Variants in CGGBP1 observed in about 807,000 individuals in gnomAD.
The protein encoded by CGGBP1 is CGG triplet repeat binding protein 1.
In CGGBP1, 4 loss-of-function variants were observed where a neutral mutation model predicts 11.4. The observed-to-expected ratio is 0.35, with a 90% CI of 0.17 to 0.80. CGGBP1 has a LOEUF of 0.80. Ranked by LOEUF, CGGBP1 falls within the 30% of genes least tolerant of loss-of-function variation. The probability of loss-of-function intolerance (pLI) is 0.52; values close to 1 mark genes in which losing one functional copy is unlikely to be tolerated. For missense variants in CGGBP1, 135 were observed against 202.1 expected (o/e 0.67, Z 2.01); for synonymous variants, 76 against 74.1 (o/e 1.03, Z -0.13).
At chr3:88,063,751 A>G (rs1157178315), upstream of CGGBP1, among the ~76,000 whole-genome samples, 1 of 152,196 alleles carries the variant, frequency 6.6e-6, no homozygotes, top group East Asian at 1.9e-4. Flanking sequence ...TATTATGTAA[A>G]AAAATCTTGA....
intron 2 of CGGBP1, among the ~76,000 whole-genome samples, chr3:88,092,233 A>C (rs1703784829): frequency 6.6e-6 from 1 of 152,156 alleles, no homozygotes; most frequent in African/African-American, 2.4e-5. Context: ...TTAATCAAAA[A>C]ATTTTTCTAA....
intron 2 of CGGBP1, among the ~76,000 whole-genome samples, chr3:88,116,914 G>C (rs1269506181): frequency 1.3e-5 from 2 of 152,108 alleles, no homozygotes; most frequent in African/African-American, 4.8e-5. Context: ...TGTTCTAGAT[G>C]TTCTAGGTAA....
intron 2 of CGGBP1, among the ~76,000 whole-genome samples, chr3:88,129,321 TAAAAAAAAAAA>T (rs11370327): frequency 2.6e-5 from 2 of 76,948 alleles, no homozygotes; most frequent in South Asian, 5.3e-4. Context: ...TTGCCAGGAG[TAAAAAAAAAAA>T]AAAAAAAAAA....
intron 2 of CGGBP1, chr3:88,086,146 TG>T (rs1708325830): frequency 1.1e-6 from 1 of 911,626 alleles, no homozygotes; most frequent in Non-Finnish European, 1.6e-6. Flanking sequence ...CAGTCACCTG[TG>T]TTCATGCCGA....
At chr3:88,090,136 T>C (rs1708556500) in intron 2 of CGGBP1, among the ~76,000 whole-genome samples, 1 of 152,288 alleles carries the variant, frequency 6.6e-6, no homozygotes, top group South Asian at 2.1e-4. Context: ...TATTTTAGAG[T>C]GTACCTCTTC....
intron 2 of CGGBP1, chr3:88,139,221 G>A: frequency 6.8e-7 from 1 of 1,477,030 alleles, no homozygotes; most frequent in Non-Finnish European, 9.0e-7. Context: ...TGTATCTGGA[G>A]TGCAGCCTAA....
intron 2 of CGGBP1, among the ~76,000 whole-genome samples, chr3:88,091,587 A>G (rs1450735039): frequency 3.9e-5 from 6 of 152,302 alleles, no homozygotes; most frequent in Admixed American, 6.5e-5. Flanking sequence ...GCTAGCTGAT[A>G]TGGTTTCACT....
At chr3:88,068,835 T>C (rs1707344645) in intron 2 of CGGBP1, among the ~76,000 whole-genome samples, 1 of 152,174 alleles carries the variant, frequency 6.6e-6, no homozygotes, top group Admixed American at 6.5e-5. Flanking sequence ...TAGTATGTGA[T>C]AATCAGACTG....
At chr3:88,147,633 C>T (rs1707334046) in intron 1 of CGGBP1, among the ~76,000 whole-genome samples, 1 of 152,336 alleles carries the variant, frequency 6.6e-6, no homozygotes, top group South Asian at 2.1e-4. Flanking sequence ...AAATTCAGTT[C>T]CTTAGTTGCA....
At chr3:88,136,224 A>G (rs1183623969) in intron 2 of CGGBP1, among the ~76,000 whole-genome samples, 1 of 152,206 alleles carries the variant, frequency 6.6e-6, no homozygotes, top group Non-Finnish European at 1.5e-5. Context: ...TCTTATTGGT[A>G]CCAAAAATTG....
chr3:88,102,777 C>CT (rs1333390598), intron 2 of CGGBP1, among the ~76,000 whole-genome samples: 3 of 142,568 alleles, frequency 2.1e-5, no homozygotes, highest in Non-Finnish European at 4.6e-5. Context: ...AGACATGCCT[C>CT]TTTCTAGGCA....
intron 2 of CGGBP1, among the ~76,000 whole-genome samples, chr3:88,068,509 A>C (rs917718709): frequency 3.3e-5 from 5 of 152,162 alleles, no homozygotes; most frequent in Non-Finnish European, 5.9e-5. Context: ...CTACAACTAG[A>C]GTTTATTGAC....
At chr3:88,120,696 C>T (rs1385959202) in intron 2 of CGGBP1, among the ~76,000 whole-genome samples, 2 of 152,128 alleles carry the variant, frequency 1.3e-5, no homozygotes, top group Non-Finnish European at 2.9e-5. Flanking sequence ...CCTCTTTATG[C>T]GTATATTACT....
chr3:88,055,540 A>G lies in CGGBP1; in HGVS notation c.437T>C (p.Leu146Pro). ...TCCATCAGGAAGATATGCCCTCCGT[A>G]GCTGGTCTGACTTAGGTATGGAGCC... ...NGGSIPKSDQ[L>P]RRAYLPDGYE... The change falls in exon 4 of 4, where the codon CTA (leucine) becomes CCA (proline). Residue 146 changes from leucine (L) to proline (P), a missense_variant. Coordinates refer to ENST00000482016, the MANE Select transcript of CGGBP1 (RefSeq NM_001008390.2). The surrounding 1 kb of genome is among the most constrained non-coding windows in gnomAD (Gnocchi z 4.2). 1 of 1,584,712 alleles carries G rather than the reference A, an allele frequency of 6.3e-7. No homozygotes were observed. Among genetic ancestry groups the G allele is most frequent in the Non-Finnish European group, 8.6e-7 (1 of 1,161,390 alleles).
rs1361919241 is a variant in CGGBP1, at chr3:88,053,780, C to T, written c.*1693G>A. 1.3e-5 allele frequency: 2 copies of T among 152,532 alleles called. No individual in the cohort carries two copies. The highest frequency in any genetic ancestry group is 2.1e-4 in the South Asian group (1 of 4,832). 9.4% of individuals were successfully genotyped at this position (152,532 alleles called of 1,614,324 possible). On this transcript the variant is annotated 3_prime_UTR_variant, in exon 4 of 4. Transcript: ENST00000482016. ...TTTTCTAGAGGAAGTAAACGCAAAA[C>T]ACATATGGTTATGTTTTGCTGCTGG...
chr3:88,109,456 C>T (rs1704958147), intron 2 of CGGBP1, among the ~76,000 whole-genome samples: 1 of 151,988 alleles, frequency 6.6e-6, no homozygotes, highest in African/African-American at 2.4e-5. Flanking sequence ...ACCTAATTTT[C>T]CTTTACTTAA....
At chr3:88,068,660 T>C (rs770137873) in intron 2 of CGGBP1, among the ~76,000 whole-genome samples, 2 of 152,176 alleles carry the variant, frequency 1.3e-5, no homozygotes, top group African/African-American at 2.4e-5. Context: ...TGTATATATG[T>C]ATATAACTCA....
At chr3:88,121,617 A>G (rs1436219099) in intron 2 of CGGBP1, among the ~76,000 whole-genome samples, 2 of 152,208 alleles carry the variant, frequency 1.3e-5, no homozygotes, top group Non-Finnish European at 2.9e-5. Context: ...TGTAAAGGAA[A>G]AATGCATAAC....
At chr3:88,129,040 A>C in intron 2 of CGGBP1, 1 of 1,453,590 alleles carries the variant, frequency 6.9e-7, no homozygotes. Flanking sequence ...TTTGCCTATT[A>C]CCATTTTAAC....
Sources: gnomAD v4.1 joint callset for allele counts (sites outside exome capture counted in the v4.1 genomes callset) on GRCh38, gnomAD v4.1.1 for gene constraint, Gnocchi (gnomAD v3.1) non-coding constraint, MANE v1.5 for transcripts, NCBI Gene and HGNC (gene_info 2026-07-23, HGNC 2026-07-21) for gene names.